Variants in SERGEF observed in about 807,000 individuals in gnomAD.
The protein encoded by SERGEF is secretion-regulating guanine nucleotide exchange factor.
Under a neutral mutation model 50.0 loss-of-function variants are expected in SERGEF, and 51 were observed. The ratio of observed to expected loss-of-function variants is 1.02; its 90% CI spans 0.81 to 1.29. The LOEUF is 1.29. Among genes scored for constraint, SERGEF ranks in the 50% most tolerant of loss-of-function variants. The probability of loss-of-function intolerance (pLI) is 0.00; values close to 1 mark genes in which losing one functional copy is unlikely to be tolerated. For synonymous variants in SERGEF, 205 were observed against 212.4 expected (o/e 0.97, Z 0.30); for missense variants, 521 against 557.0 (o/e 0.94, Z 0.65).
chr11:17,941,310 C>T (rs917466676), intron 9 of SERGEF, among the ~76,000 whole-genome samples: 1 of 152,164 alleles, frequency 6.6e-6, no homozygotes, highest in Non-Finnish European at 1.5e-5. Context: ...CTACAACCAT[C>T]ACCACCATCC....
intron 9 of SERGEF, among the ~76,000 whole-genome samples, chr11:17,897,661 T>C (rs1308722093): frequency 1.3e-5 from 2 of 152,230 alleles, no homozygotes; most frequent in Non-Finnish European, 2.9e-5. Context: ...ATTTCATTAA[T>C]ATGAAACTCT....
At chr11:17,822,408 T>C (rs1237839345) in intron 10 of SERGEF, among the ~76,000 whole-genome samples, 1 of 152,022 alleles carries the variant, frequency 6.6e-6, no homozygotes. Flanking sequence ...AAGTGAAATA[T>C]GAAAATAAAA....
chr11:17,977,890 G>A (rs1018220482), intron 8 of SERGEF, among the ~76,000 whole-genome samples: 2 of 152,178 alleles, frequency 1.3e-5, no homozygotes, highest in African/African-American at 2.4e-5. Context: ...CTCCAGAACT[G>A]TAAGACATAG....
intron 3 of SERGEF, 56 bp from the exon 4 acceptor site, chr11:18,004,591 A>G: frequency 8.2e-7 from 1 of 1,226,830 alleles, no homozygotes; most frequent in South Asian, 1.3e-5. Context: ...TCTGTGACCA[A>G]TGGGTAAATG....
chr11:18,008,064 A>G lies in SERGEF; in HGVS notation c.73T>C (p.Tyr25His), dbSNP rs745573662. The G allele has an allele frequency of 6.2e-7, 1 of 1,614,016 alleles. No homozygotes were observed. The highest frequency in any genetic ancestry group is 8.5e-7 in the Non-Finnish European group (1 of 1,179,964). ...AALFAWGANSYGQLGLGHKED... is the reference protein window; with the variant it reads ...AALFAWGANSHGQLGLGHKED... ...TTATGGCCGAGGCCAAGTTGCCCATAGCTATTTGCACCCTAGGGATGAATA... is the reference window on the plus strand; with the variant it reads ...TTATGGCCGAGGCCAAGTTGCCCATGGCTATTTGCACCCTAGGGATGAATA... Residue 25 changes from tyrosine (Y) to histidine (H), a missense_variant, in exon 2 of 11, where the codon TAT becomes CAT. Coordinates refer to ENST00000265965, the MANE Select transcript of SERGEF (RefSeq NM_012139.4).
intron 9 of SERGEF, among the ~76,000 whole-genome samples, chr11:17,923,123 C>G (rs535564046): frequency 6.6e-6 from 1 of 152,188 alleles, no homozygotes; most frequent in Non-Finnish European, 1.5e-5. Flanking sequence ...TGAGGTCTGC[C>G]TGTTTCCCTG....
intron 10 of SERGEF, among the ~76,000 whole-genome samples, chr11:17,835,902 A>G (rs1850389254): frequency 6.6e-6 from 1 of 152,214 alleles, no homozygotes; most frequent in African/African-American, 2.4e-5. Flanking sequence ...TTAGAATTAT[A>G]AATGATAACT....
chr11:17,891,987 T>C (rs1022210074), intron 9 of SERGEF, among the ~76,000 whole-genome samples: 1 of 152,160 alleles, frequency 6.6e-6, no homozygotes, highest in African/African-American at 2.4e-5. Context: ...TATTTGCATA[T>C]AGATAAATTC....
At chr11:17,795,200 G>A (rs981452583) in intron 10 of SERGEF, among the ~76,000 whole-genome samples, 2 of 152,150 alleles carry the variant, frequency 1.3e-5, no homozygotes, top group East Asian at 3.8e-4. Context: ...AGGATGGGGC[G>A]GGCCTTGGAG....
chr11:17,893,253 G>A (rs182777902), intron 9 of SERGEF, among the ~76,000 whole-genome samples: 87 of 152,296 alleles, frequency 5.7e-4, no homozygotes, highest in African/African-American at 1.9e-3. Context: ...GAGGCTCATG[G>A]ACATTAAAAG....
intron 9 of SERGEF, among the ~76,000 whole-genome samples, chr11:17,890,957 A>G (rs1851522824): frequency 1.3e-5 from 2 of 152,250 alleles, no homozygotes; most frequent in South Asian, 4.1e-4. Context: ...AATGATACTC[A>G]TTGGAATATA....
intron 8 of SERGEF, among the ~76,000 whole-genome samples, chr11:17,977,646 A>G (rs551682): frequency 0.23 from 34,858 of 152,116 alleles, 4,487 homozygotes; most frequent in African/African-American, 0.35. Flanking sequence ...CATCAAATTC[A>G]TATGTTGAAA....
chr11:17,940,959 CATT>C (rs2133955800), intron 9 of SERGEF, among the ~76,000 whole-genome samples: 1 of 152,310 alleles, frequency 6.6e-6, no homozygotes, highest in South Asian at 2.1e-4. Context: ...TTATTATAAA[CATT>C]TTTAAACACA....
At chr11:17,790,893 G>GT (rs2133817249) in intron 10 of SERGEF, among the ~76,000 whole-genome samples, 1 of 152,240 alleles carries the variant, frequency 6.6e-6, no homozygotes, top group African/African-American at 2.4e-5. Context: ...TTGATTACCC[G>GT]TTTAAGTTGC....
At chr11:17,974,090 C>T (rs914450597) in intron 8 of SERGEF, among the ~76,000 whole-genome samples, 4 of 152,116 alleles carry the variant, frequency 2.6e-5, no homozygotes, top group Admixed American at 1.3e-4. Flanking sequence ...GGTCCATGGC[C>T]TCATGGTATG....
chr11:17,969,961 C>A (rs1372093030), intron 8 of SERGEF, among the ~76,000 whole-genome samples: 1 of 152,126 alleles, frequency 6.6e-6, no homozygotes. Flanking sequence ...TAAAACAAGG[C>A]CCAAAACAAA....
intron 8 of SERGEF, among the ~76,000 whole-genome samples, chr11:17,969,746 G>C (rs551511267): frequency 6.6e-6 from 1 of 152,238 alleles, no homozygotes; most frequent in African/African-American, 2.4e-5. Flanking sequence ...TAAGTCCTTG[G>C]AGGGTGAGTA....
At chr11:17,995,321 T>C (rs993962177) in intron 6 of SERGEF, among the ~76,000 whole-genome samples, 1 of 152,210 alleles carries the variant, frequency 6.6e-6, no homozygotes, top group Non-Finnish European at 1.5e-5. Flanking sequence ...ATGCAAGGCA[T>C]GGTCCTCCTG....
At chr11:17,900,377 C>G (rs1452348797) in intron 9 of SERGEF, among the ~76,000 whole-genome samples, 1 of 152,202 alleles carries the variant, frequency 6.6e-6, no homozygotes, top group African/African-American at 2.4e-5. Flanking sequence ...GACAGCTATT[C>G]TTAATACCCA....
Sources: gnomAD v4.1 joint callset for allele counts (sites outside exome capture counted in the v4.1 genomes callset) on GRCh38, gnomAD v4.1.1 for gene constraint, MANE v1.5 for transcripts, NCBI Gene and HGNC (gene_info 2026-07-23, HGNC 2026-07-21) for gene names.